The following ARB2A variants were observed in gnomAD, a reference collection of about 807,000 sequenced individuals.
The protein encoded by ARB2A is cotranscriptional regulator ARB2A.
the ARB2A span, among the ~76,000 whole-genome samples, chr5:93,658,940 G>T: frequency 7.0e-6 from 1 of 142,786 alleles, no homozygotes; most frequent in Non-Finnish European, 1.5e-5. Flanking sequence ...ACAGGGATAG[G>T]GTATGGTTAG....
the ARB2A span, among the ~76,000 whole-genome samples, chr5:93,711,029 T>G: frequency 5.3e-5 from 8 of 152,144 alleles, no homozygotes; most frequent in Admixed American, 5.2e-4. Flanking sequence ...TTTTGGACAG[T>G]AGCACTTAAG....
At chr5:93,677,981 G>A in the ARB2A span, among the ~76,000 whole-genome samples, 26 of 152,250 alleles carry the variant, frequency 1.7e-4, no homozygotes, top group Admixed American at 3.9e-4. Context: ...GAGCATGATC[G>A]CAAAGCACAT....
the ARB2A span, among the ~76,000 whole-genome samples, chr5:93,776,585 G>A: frequency 3.1e-4 from 47 of 151,956 alleles, no homozygotes; most frequent in Admixed American, 2.9e-3. Flanking sequence ...CGAGACCAGC[G>A]TGGCCAACAT....
the ARB2A span, among the ~76,000 whole-genome samples, chr5:94,043,817 A>C: frequency 6.6e-6 from 1 of 152,228 alleles, no homozygotes; most frequent in Non-Finnish European, 1.5e-5. Context: ...TTCCCTATGG[A>C]AAAGAGTTCC....
At chr5:93,879,027 A>C in the ARB2A span, among the ~76,000 whole-genome samples, 2 of 152,136 alleles carry the variant, frequency 1.3e-5, no homozygotes, top group Non-Finnish European at 2.9e-5. Flanking sequence ...ATAGAAGATA[A>C]TTTCAAATTG....
At chr5:93,622,070 C>G in the ARB2A span, among the ~76,000 whole-genome samples, 1 of 152,136 alleles carries the variant, frequency 6.6e-6, no homozygotes, top group Non-Finnish European at 1.5e-5. Context: ...CAGCGGATAA[C>G]ACGGATGCAA....
At chr5:93,841,350 A>G in the ARB2A span, among the ~76,000 whole-genome samples, 1 of 152,226 alleles carries the variant, frequency 6.6e-6, no homozygotes, top group African/African-American at 2.4e-5. Flanking sequence ...ATAATACACT[A>G]TTAACAACTA....
chr5:93,954,557 G>A, the ARB2A span, among the ~76,000 whole-genome samples: 1 of 151,850 alleles, frequency 6.6e-6, no homozygotes, highest in South Asian at 2.1e-4. Context: ...CAGAGGGAAG[G>A]AGTTTCTCTT....
the ARB2A span, among the ~76,000 whole-genome samples, chr5:93,685,906 CT>C: frequency 6.6e-6 from 1 of 152,132 alleles, no homozygotes; most frequent in Non-Finnish European, 1.5e-5. Flanking sequence ...TGGACCAAGG[CT>C]GCCAAAATTC....
chr5:94,068,289 C>T, the ARB2A span, among the ~76,000 whole-genome samples: 2 of 152,192 alleles, frequency 1.3e-5, no homozygotes, highest in South Asian at 4.1e-4. Flanking sequence ...AATGGCGAGC[C>T]TCTAGCCCAA....
the ARB2A span, among the ~76,000 whole-genome samples, chr5:94,098,587 G>A: frequency 6.6e-6 from 1 of 151,894 alleles, no homozygotes; most frequent in African/African-American, 2.4e-5. Flanking sequence ...AGAGAAACAA[G>A]AGCAAATCAA....
At chr5:94,108,299 G>A in the ARB2A span, among the ~76,000 whole-genome samples, 4 of 151,920 alleles carry the variant, frequency 2.6e-5, no homozygotes, top group Admixed American at 6.6e-5. Context: ...AACAGGCCAG[G>A]ATAGTCTTTG....
At chr5:93,760,432 C>G in the ARB2A span, among the ~76,000 whole-genome samples, 1 of 152,112 alleles carries the variant, frequency 6.6e-6, no homozygotes, top group South Asian at 2.1e-4. Flanking sequence ...AAAAAAGAAC[C>G]TGCATAGCCA....
chr5:93,918,314 C>A, the ARB2A span, among the ~76,000 whole-genome samples: 1 of 151,732 alleles, frequency 6.6e-6, no homozygotes, highest in East Asian at 1.9e-4. Flanking sequence ...CATGTGTAAA[C>A]ACATGTGTGG....
chr5:94,007,286 T>G, the ARB2A span, among the ~76,000 whole-genome samples: 1 of 152,074 alleles, frequency 6.6e-6, no homozygotes, highest in African/African-American at 2.4e-5. Context: ...CTGGTAAAGA[T>G]TAAAAGTATA....
At chr5:93,947,461 G>C in the ARB2A span, among the ~76,000 whole-genome samples, 1 of 151,404 alleles carries the variant, frequency 6.6e-6, no homozygotes, top group Non-Finnish European at 1.5e-5. Flanking sequence ...GTCTCACTCT[G>C]TCACCCAGGT....
the ARB2A span, among the ~76,000 whole-genome samples, chr5:94,017,425 A>T: frequency 6.6e-6 from 1 of 152,190 alleles, no homozygotes; most frequent in African/African-American, 2.4e-5. Context: ...GGGTGATGGA[A>T]TTAAGATAAA....
chr5:93,789,043 G>A, the ARB2A span, among the ~76,000 whole-genome samples: 3 of 152,116 alleles, frequency 2.0e-5, no homozygotes, highest in Admixed American at 1.3e-4. Context: ...GTGGGTTGGG[G>A]TAGGGATGTA....
the ARB2A span, chr5:93,866,179 A>G: frequency 1.0e-6 from 1 of 985,470 alleles, no homozygotes; most frequent in Non-Finnish European, 1.2e-6. Flanking sequence ...TCATTTTATC[A>G]GCAGTCTGTA....
Sources: allele counts gnomAD v4.1 joint callset (sites outside exome capture counted in the v4.1 genomes callset), GRCh38; gene constraint gnomAD v4.1.1; transcripts MANE v1.5; gene names NCBI Gene and HGNC (gene_info 2026-07-23, HGNC 2026-07-21).